The following DACH1 variants were observed in gnomAD, a reference collection of about 807,000 sequenced individuals.
DACH1 encodes dachshund homolog 1.
A neutral mutation model predicts 54.2 loss-of-function variants in DACH1; 12 were observed. The observed-to-expected ratio is 0.22, with a 90% CI of 0.14 to 0.36. The LOEUF is 0.36. Among genes scored for constraint, DACH1 ranks in the 10% least tolerant of loss-of-function variants. DACH1 has a pLI of 1.00. For missense variants in DACH1, 805 were observed against 929.8 expected (o/e 0.87, Z 1.75); for synonymous variants, 386 against 366.2 (o/e 1.05, Z -0.62).
At chr13:71,556,186 C>T (rs1884238671) in intron 6 of DACH1, among the ~76,000 whole-genome samples, 1 of 152,144 alleles carries the variant, frequency 6.6e-6, no homozygotes, top group African/African-American at 2.4e-5. Flanking sequence ...TCCTTGTTGA[C>T]AGCTGATTAA....
intron 1 of DACH1, among the ~76,000 whole-genome samples, chr13:71,808,185 T>C (rs1887583924): frequency 6.6e-6 from 1 of 152,202 alleles, no homozygotes; most frequent in Non-Finnish European, 1.5e-5. Context: ...CTTTTCTTTC[T>C]GGCTTACACA....
intron 1 of DACH1, among the ~76,000 whole-genome samples, chr13:71,730,614 T>A (rs1883698700): frequency 6.6e-6 from 1 of 152,192 alleles, no homozygotes; most frequent in South Asian, 2.1e-4. Flanking sequence ...TACACACATA[T>A]ATGTATATGT....
At chr13:71,650,485 A>AT (rs1368404545) in intron 2 of DACH1, among the ~76,000 whole-genome samples, 1 of 152,172 alleles carries the variant, frequency 6.6e-6, no homozygotes, top group Non-Finnish European at 1.5e-5. Flanking sequence ...AAAATATTTA[A>AT]TTTTTAACTT....
At chr13:71,517,985 A>G (rs1207315419) in intron 6 of DACH1, among the ~76,000 whole-genome samples, 1 of 151,904 alleles carries the variant, frequency 6.6e-6, no homozygotes, top group Non-Finnish European at 1.5e-5. Context: ...TATAAAATGT[A>G]TCCTCATTGT....
intron 6 of DACH1, among the ~76,000 whole-genome samples, chr13:71,522,509 T>A (rs1057469349): frequency 1.3e-5 from 2 of 152,014 alleles, no homozygotes; most frequent in African/African-American, 2.4e-5. Flanking sequence ...CCAAGCGCAG[T>A]GGTGAGCACC....
chr13:71,505,979 G>A (rs1396551890), intron 6 of DACH1, among the ~76,000 whole-genome samples: 1 of 151,948 alleles, frequency 6.6e-6, no homozygotes, highest in Admixed American at 6.6e-5. Context: ...AAAACATGCA[G>A]ATTTTGTTCC....
chr13:71,614,253 A>G (rs1285578776), intron 3 of DACH1, among the ~76,000 whole-genome samples: 1 of 152,196 alleles, frequency 6.6e-6, no homozygotes, highest in Non-Finnish European at 1.5e-5. Context: ...GAAAACGAGG[A>G]GAATTCCATT....
intron 1 of DACH1, among the ~76,000 whole-genome samples, chr13:71,726,093 C>G (rs1883457562): frequency 1.3e-5 from 2 of 152,046 alleles, no homozygotes; most frequent in South Asian, 4.1e-4. Context: ...GATGCTTCCC[C>G]CTCAGAATCT....
chr13:71,581,277 T>G (rs956526446), intron 3 of DACH1, among the ~76,000 whole-genome samples: 1 of 152,170 alleles, frequency 6.6e-6, no homozygotes, highest in South Asian at 2.1e-4. Context: ...ATTGTTATTA[T>G]TATTTTTTAT....
intron 6 of DACH1, among the ~76,000 whole-genome samples, chr13:71,537,255 C>T (rs955184673): frequency 3.3e-5 from 5 of 152,004 alleles, no homozygotes; most frequent in African/African-American, 7.2e-5. Context: ...ACTGCCTTTG[C>T]GTTATCATTC....
At chr13:71,657,504 AAGAAAAAAAGTT>A in intron 2 of DACH1, among the ~76,000 whole-genome samples, 1 of 151,628 alleles carries the variant, frequency 6.6e-6, no homozygotes, top group Non-Finnish European at 1.5e-5. Flanking sequence ...CTGTCTCAAG[AAGAAAAAAAGTT>A]TATTTTTATT....
At chr13:71,822,057 CA>C in intron 1 of DACH1, among the ~76,000 whole-genome samples, 1 of 151,112 alleles carries the variant, frequency 6.6e-6, no homozygotes, top group African/African-American at 2.4e-5. Context: ...GAGATTCCAT[CA>C]AAAAAAAGAA....
chr13:71,515,300 T>A (rs1004660793), intron 6 of DACH1, among the ~76,000 whole-genome samples: 11 of 151,890 alleles, frequency 7.2e-5, no homozygotes, highest in African/African-American at 2.7e-4. Flanking sequence ...AACATCAGGA[T>A]CTCTGACAGC....
At chr13:71,643,619 A>C (rs1169004245) in intron 2 of DACH1, among the ~76,000 whole-genome samples, 1 of 152,234 alleles carries the variant, frequency 6.6e-6, no homozygotes, top group Non-Finnish European at 1.5e-5. Context: ...AATTTTGTGA[A>C]GTATTATCTT....
chr13:71,445,485 TA>T (rs1225055794), intron 10 of DACH1, among the ~76,000 whole-genome samples: 1 of 152,150 alleles, frequency 6.6e-6, no homozygotes. Context: ...TATCAAGCAT[TA>T]AAGATGTCAG....
chr13:71,742,720 AT>A (rs1036272227), intron 1 of DACH1, among the ~76,000 whole-genome samples: 31 of 149,506 alleles, frequency 2.1e-4, no homozygotes, highest in East Asian at 3.9e-4. Context: ...CATCTTATAC[AT>A]TTTTTTTTTC....
intron 1 of DACH1, among the ~76,000 whole-genome samples, chr13:71,828,699 G>A (rs1252617679): frequency 6.6e-6 from 1 of 151,878 alleles, no homozygotes; most frequent in African/African-American, 2.4e-5. Context: ...CCCTGAGTTT[G>A]TCTTCATTAC....
chr13:71,838,334 G>A (rs996934823), intron 1 of DACH1, among the ~76,000 whole-genome samples: 10 of 152,112 alleles, frequency 6.6e-5, no homozygotes, highest in African/African-American at 2.4e-4. Context: ...AGTTCAGTGA[G>A]AACAACACAT....
chr13:71,677,387 A>G (rs575697499), intron 2 of DACH1, among the ~76,000 whole-genome samples: 86 of 152,284 alleles, frequency 5.6e-4, no homozygotes, highest in Non-Finnish European at 1.0e-3. Flanking sequence ...GGTGACAACC[A>G]TAACTTTTAG....
Sources: gnomAD v4.1 joint callset for allele counts (sites outside exome capture counted in the v4.1 genomes callset) on GRCh38, gnomAD v4.1.1 for gene constraint, MANE v1.5 for transcripts, NCBI Gene and HGNC (gene_info 2026-07-23, HGNC 2026-07-21) for gene names.